THRSP: variants seen among roughly 807,000 people sequenced by gnomAD.
The protein encoded by THRSP is thyroid hormone-inducible hepatic protein.
THRSP carries 9 observed loss-of-function variants against 11.1 expected under a neutral mutation model. The observed-to-expected ratio is 0.81, with a 90% CI of 0.49 to 1.42. The LOEUF is 1.42. Among genes scored for constraint, THRSP ranks in the 40% most tolerant of loss-of-function variants. The probability of loss-of-function intolerance (pLI) is 0.00; values close to 1 mark genes in which losing one functional copy is unlikely to be tolerated. For synonymous variants in THRSP, 73 were observed against 78.1 expected (o/e 0.94, Z 0.34); for missense variants, 177 against 188.2 (o/e 0.94, Z 0.35).
chr11:78,068,314 A>G lies in THRSP; in HGVS notation c.*675A>G, dbSNP rs899110773. The G allele has an allele frequency of 6.6e-6, 1 of 152,206 alleles. No individual in the cohort carries two copies. Among genetic ancestry groups the G allele is most frequent in the African/African-American group, 2.4e-5 (1 of 41,452 alleles). The allele number at this position is 152,206 out of a possible 1,614,324, so 9.4% of individuals were successfully genotyped here. A position where few individuals can be genotyped will look rare whatever the true frequency, so the allele number is the denominator to read the frequency against. On this transcript the variant is annotated 3_prime_UTR_variant, in exon 2 of 2. Transcript: ENST00000281030. ...ACAACAGGTGAACTATAAACCTATT[A>G]TTTATTGCAGAACTAATAAAAAATC...
In THRSP at chr11:78,064,208, G is replaced by A. The variant is rs201439502; in HGVS notation, c.327G>A (p.Leu109=). ...EDESASGELD[L]EAQFHLHFSS... ...AGAGTGCCTCAGGAGAGCTGGACCTGGAAGCCCAGTTCCACCTGCACTTCT... is the reference window on the plus strand; with the variant it reads ...AGAGTGCCTCAGGAGAGCTGGACCTAGAAGCCCAGTTCCACCTGCACTTCT... The change falls in exon 1 of 2, where the codon CTG becomes CTA. Residue 109 remains leucine, a synonymous_variant. Transcript: ENST00000281030. 6.7e-5 allele frequency: 108 copies of A among 1,614,178 alleles called. No homozygotes were observed. The highest frequency in any genetic ancestry group is 8.8e-5 in the Non-Finnish European group (104 of 1,180,026).
chr11:78,064,155 A>G lies in THRSP; in HGVS notation c.274A>G (p.Thr92Ala). The G allele has an allele frequency of 3.1e-6, 5 of 1,614,148 alleles. No individual in the cohort carries two copies. Among genetic ancestry groups the G allele is most frequent in the Non-Finnish European group, 4.2e-6 (5 of 1,180,026 alleles). ...GGTGGCAGGCAGCGAAGAGAATGGA[A>G]CCGCAGAGACAGAGGAAGTCGAGGA... The part of the protein sequence containing the change: ...AKVAGSEENG[T>A]AETEEVEDES... The change falls in exon 1 of 2, where the codon ACC (threonine) becomes GCC (alanine). Residue 92 changes from threonine (T) to alanine (A), a missense_variant. By Grantham distance (58) the Thr-to-Ala change is moderately conservative (BLOSUM62 0). Coordinates refer to ENST00000281030, the MANE Select transcript of THRSP (RefSeq NM_003251.4).
In THRSP at chr11:78,067,992, A is replaced by T. The variant is rs1350254676; in HGVS notation, c.*353A>T. 6.6e-6 allele frequency: 1 copy of T among 152,200 alleles called. No homozygotes were observed. The highest frequency in any genetic ancestry group is 1.5e-5 in the Non-Finnish European group (1 of 68,044). 9.4% of individuals were successfully genotyped at this position (152,200 alleles called of 1,614,324 possible). A position where few individuals can be genotyped will look rare whatever the true frequency, so the allele number is the denominator to read the frequency against. ...GTGACCAAAATTCACATCCCTCCTC[A>T]TGGCAGTCATTCAGTATGTGTACTT... On this transcript the variant is annotated 3_prime_UTR_variant, in exon 2 of 2. Coordinates refer to ENST00000281030, the MANE Select transcript of THRSP (RefSeq NM_003251.4).
intron 1 of THRSP, among the ~76,000 whole-genome samples, chr11:78,065,880 G>C (rs1446794688): frequency 6.6e-6 from 1 of 152,224 alleles, no homozygotes; most frequent in African/African-American, 2.4e-5. Context: ...TCCTTCTCCC[G>C]CTTCAAACCC....
At chr11:78,067,334 C>G (rs1858789233) in intron 1 of THRSP, among the ~76,000 whole-genome samples, 1 of 151,150 alleles carries the variant, frequency 6.6e-6, no homozygotes, top group Non-Finnish European at 1.5e-5. Flanking sequence ...GTTGGCCAGG[C>G]TGATCTCGAA....
chr11:78,065,715 G>C (rs1455244162), intron 1 of THRSP, among the ~76,000 whole-genome samples: 1 of 152,194 alleles, frequency 6.6e-6, no homozygotes, highest in Non-Finnish European at 1.5e-5. Flanking sequence ...TCAACTTTGA[G>C]CTGAGTGTTC....
intron 1 of THRSP, among the ~76,000 whole-genome samples, chr11:78,066,241 C>T (rs756290606): frequency 1.3e-4 from 20 of 152,204 alleles, no homozygotes; most frequent in Admixed American, 7.9e-4. Flanking sequence ...AATCTCAGCT[C>T]ACTGCCACCT....
Position 78,064,143 on chromosome 11 carries a change from G to T in THRSP, c.262G>T (p.Glu88Ter), listed in dbSNP as rs140647730. ...GTGGCAGGCCAAGGTGGCAGGCAGC[G>T]AAGAGAATGGAACCGCAGAGACAGA... ...EEWQAKVAGSEENGTAETEEV... is the reference protein window; with the variant it reads ...EEWQAKVAGS The change falls in exon 1 of 2, where the codon GAA (glutamate) becomes TAA (stop). Residue 88 changes from glutamate to a stop codon, truncating the protein, a stop_gained. Transcript: ENST00000281030. LOFTEE classifies it high-confidence loss of function. The T allele has an allele frequency of 1.5e-5, 24 of 1,614,012 alleles. No homozygotes were observed. Among genetic ancestry groups the T allele is most frequent in the Non-Finnish European group, 1.8e-5 (21 of 1,180,020 alleles).
Position 78,063,986 on chromosome 11 carries a change from C to G in THRSP, c.105C>G (p.Ser35Arg). Reference sequence around the variant, plus strand: ...TGGAGCAGGTGGTGATGATCCCCAGCCTTCTGCGGGACGTGCAGCTGAGTG... The same window carrying G: ...TGGAGCAGGTGGTGATGATCCCCAGGCTTCTGCGGGACGTGCAGCTGAGTG... ...HNMEQVVMIPSLLRDVQLSGP... is the reference protein window; with the variant it reads ...HNMEQVVMIPRLLRDVQLSGP... The change falls in exon 1 of 2, where the codon AGC (serine) becomes AGG (arginine). Residue 35 changes from serine (S) to arginine (R), a missense_variant. Physicochemically the swap from Ser to Arg is moderately radical, Grantham distance 110. Coordinates refer to ENST00000281030, the MANE Select transcript of THRSP (RefSeq NM_003251.4). The G allele has an allele frequency of 6.2e-7, 1 of 1,614,120 alleles. No individual in the cohort carries two copies.
rs1858666302 is a variant in THRSP at position 78,064,264 on chromosome 11, C to T, written c.383C>T (p.Thr128Ile). 4 of 1,613,912 alleles carry T rather than the reference C, an allele frequency of 2.5e-6. No individual in the cohort carries two copies. The highest frequency in any genetic ancestry group is 3.4e-6 in the Non-Finnish European group (4 of 1,179,952). The change falls in exon 1 of 2, where the codon ACC becomes ATC. Residue 128 changes from threonine (T) to isoleucine (I), a missense_variant. Thr to Ile is a moderately conservative substitution (Grantham distance 89). Coordinates refer to ENST00000281030, the MANE Select transcript of THRSP (RefSeq NM_003251.4). ...CTCCATCACATCCTCATGCACCTCACCGAGAAAGCCCAGGAGGTGACAAGG... is the reference window on the plus strand; with the variant it reads ...CTCCATCACATCCTCATGCACCTCATCGAGAAAGCCCAGGAGGTGACAAGG... Reference protein sequence around the residue: ...SSLHHILMHLTEKAQEVTRKY... With the variant: ...SSLHHILMHLIEKAQEVTRKY...
intron 1 of THRSP, among the ~76,000 whole-genome samples, chr11:78,066,774 A>G (rs1014000302): frequency 6.6e-6 from 1 of 152,136 alleles, no homozygotes; most frequent in Non-Finnish European, 1.5e-5. Flanking sequence ...TGGTATAGCA[A>G]CAGTTAAAAA....
At chr11:78,065,386 G>A (rs1383458192) in intron 1 of THRSP, among the ~76,000 whole-genome samples, 1 of 152,152 alleles carries the variant, frequency 6.6e-6, no homozygotes, top group Admixed American at 6.5e-5. Context: ...AGACAAGCAG[G>A]TGGTGGCAGA....
intron 1 of THRSP, among the ~76,000 whole-genome samples, chr11:78,066,442 G>T (rs2136808826): frequency 6.6e-6 from 1 of 152,346 alleles, no homozygotes; most frequent in South Asian, 2.1e-4. Flanking sequence ...TGGGATTACA[G>T]GCATGAGCCA....
At chr11:78,065,427 G>A (rs1858708716) in intron 1 of THRSP, among the ~76,000 whole-genome samples, 1 of 152,126 alleles carries the variant, frequency 6.6e-6, no homozygotes, top group Admixed American at 6.6e-5. Flanking sequence ...CCCTAGCATG[G>A]TCACCACTAG....
rs781436618 is a variant in THRSP, at chr11:78,064,370, G to A, written c.*19+29G>A. 9 of 1,547,812 alleles carry A rather than the reference G, an allele frequency of 5.8e-6. No homozygotes were observed. In the African/African-American group the frequency reaches 1.1e-4, roughly 19 times the overall value. On this transcript the variant is annotated intron_variant, in intron 1 of 1. Transcript: ENST00000281030. ...ATGGTGGCCATGCTGGTGGGTGTGAGTCTACAAAGGGACATTCCAGGAGAG... is the reference window on the plus strand; with the variant it reads ...ATGGTGGCCATGCTGGTGGGTGTGAATCTACAAAGGGACATTCCAGGAGAG...
intron 1 of THRSP, among the ~76,000 whole-genome samples, chr11:78,065,637 A>G (rs968960797): frequency 2.1e-4 from 32 of 152,218 alleles, no homozygotes; most frequent in Admixed American, 2.6e-4. Context: ...TAGTATGGAA[A>G]TTGAAGCCAG....
chr11:78,066,774 A>C (rs1014000302), intron 1 of THRSP, among the ~76,000 whole-genome samples: 2 of 152,136 alleles, frequency 1.3e-5, no homozygotes, highest in African/African-American at 4.8e-5. Flanking sequence ...TGGTATAGCA[A>C]CAGTTAAAAA....
intron 1 of THRSP, 82 bp downstream of exon 1, chr11:78,064,423 G>C (rs928855753): frequency 1.7e-6 from 2 of 1,192,700 alleles, no homozygotes; most frequent in African/African-American, 3.1e-5. Context: ...CAACCCACTG[G>C]GAGAGGAACA....
intron 1 of THRSP, among the ~76,000 whole-genome samples, chr11:78,067,199 A>G (rs1355787589): frequency 1.4e-5 from 2 of 143,110 alleles, no homozygotes; most frequent in African/African-American, 5.3e-5. Flanking sequence ...TTGGCTCACT[A>G]CAACCTCTGC....
Sources: gnomAD v4.1 joint callset for allele counts (sites outside exome capture counted in the v4.1 genomes callset) on GRCh38, gnomAD v4.1.1 for gene constraint, MANE v1.5 for transcripts, NCBI Gene and HGNC (gene_info 2026-07-23, HGNC 2026-07-21) for gene names.